The following DLGAP2 variants were observed in gnomAD, a reference collection of about 807,000 sequenced individuals.
The protein encoded by DLGAP2 is disks large-associated protein 2.
Under a neutral mutation model 100.3 loss-of-function variants are expected in DLGAP2, and 26 were observed. The ratio of observed to expected loss-of-function variants is 0.26; its 90% CI spans 0.19 to 0.36. DLGAP2 has a LOEUF of 0.36. Ranked by LOEUF, DLGAP2 falls within the 10% of genes least tolerant of loss-of-function variation. The pLI is 1.00. For missense variants in DLGAP2, 1,858 were observed against 1,453.2 expected, an observed-to-expected ratio of 1.28 and a Z score of -4.53; for synonymous variants, 886 against 630.1, an observed-to-expected ratio of 1.41 and a Z score of -6.08.
chr8:1,128,382 G>T (rs1260821402), intron 2 of DLGAP2, among the ~76,000 whole-genome samples: 4 of 152,162 alleles, frequency 2.6e-5, no homozygotes, highest in Non-Finnish European at 5.9e-5. Context: ...TTCTGTGAGG[G>T]CCTGCAGGGA....
At chr8:1,272,608 G>A (rs1363021111) in intron 3 of DLGAP2, among the ~76,000 whole-genome samples, 4 of 152,120 alleles carry the variant, frequency 2.6e-5, no homozygotes, top group Non-Finnish European at 5.9e-5. Flanking sequence ...CAATGCAAAT[G>A]ATTTCAGCTG....
At chr8:1,063,451 T>G (rs1803150142) in intron 2 of DLGAP2, among the ~76,000 whole-genome samples, 1 of 151,524 alleles carries the variant, frequency 6.6e-6, no homozygotes, top group African/African-American at 2.4e-5. Flanking sequence ...ACCTGTGCAA[T>G]CCACAAGACG....
intron 3 of DLGAP2, among the ~76,000 whole-genome samples, chr8:1,357,623 C>T (rs1157907111): frequency 6.6e-6 from 1 of 152,136 alleles, no homozygotes; most frequent in African/African-American, 2.4e-5. Flanking sequence ...TAAACTCTTA[C>T]ACATTTTCAA....
At chr8:1,435,417 A>T (rs1436352087) in intron 3 of DLGAP2, among the ~76,000 whole-genome samples, 1 of 152,132 alleles carries the variant, frequency 6.6e-6, no homozygotes, top group African/African-American at 2.4e-5. Context: ...GATTATCATC[A>T]GCTGGAAGAC....
intron 3 of DLGAP2, among the ~76,000 whole-genome samples, chr8:1,311,681 A>T (rs1181511348): frequency 6.6e-6 from 1 of 150,600 alleles, no homozygotes; most frequent in Non-Finnish European, 1.5e-5. Flanking sequence ...GGTGTCTGAC[A>T]AAATCTCATA....
intron 2 of DLGAP2, among the ~76,000 whole-genome samples, chr8:1,235,383 A>T (rs144400197): frequency 2.7e-5 from 4 of 146,544 alleles, no homozygotes; most frequent in Non-Finnish European, 6.0e-5. Flanking sequence ...TCCCTCACAC[A>T]TGGCGTTGTG....
At chr8:778,322 G>A (rs565504851) in intron 1 of DLGAP2, among the ~76,000 whole-genome samples, 2 of 152,176 alleles carry the variant, frequency 1.3e-5, no homozygotes, top group Non-Finnish European at 2.9e-5. Context: ...TAATTTGATC[G>A]TCTGAAGCCT....
At chr8:1,185,310 C>T (rs1320560122) in intron 2 of DLGAP2, among the ~76,000 whole-genome samples, 6 of 152,180 alleles carry the variant, frequency 3.9e-5, no homozygotes, top group Middle Eastern at 3.4e-3. Context: ...ACATAAGCCT[C>T]GGGCTGAGTG....
chr8:1,525,547 C>G (rs1476079859), intron 4 of DLGAP2, among the ~76,000 whole-genome samples: 2 of 152,236 alleles, frequency 1.3e-5, no homozygotes, highest in African/African-American at 4.8e-5. Context: ...GAACTCAGGA[C>G]TTACACAGCA....
chr8:1,527,603 A>G (rs1394422560), intron 4 of DLGAP2, among the ~76,000 whole-genome samples: 1 of 152,236 alleles, frequency 6.6e-6, no homozygotes, highest in African/African-American at 2.4e-5. Flanking sequence ...ATTTTTCCTA[A>G]GGAAAGAAGA....
intron 2 of DLGAP2, among the ~76,000 whole-genome samples, chr8:964,661 G>A (rs2129010790): frequency 1.3e-5 from 2 of 152,318 alleles, no homozygotes; most frequent in Middle Eastern, 3.4e-3. Flanking sequence ...CCAAGGCCTG[G>A]TCCTTCTTCA....
At position 1,555,888 on chromosome 8, in the gene DLGAP2, C is replaced by G. The variant is rs892278380; in HGVS notation, c.1230+6205C>G. Among the ~76,000 whole-genome samples, 3 of 152,262 alleles carry G rather than the reference C, an allele frequency of 2.0e-5. No homozygotes were observed. The South Asian group carries it at 6.2e-4, about 31-fold the overall frequency. ...TTGTGTCTGGTAAATCTTTCTGCCT[C>G]TTCAATCCTTCACGCCTCCGTTTGT... is the stretch of plus-strand genomic sequence containing the variant. On this transcript the variant is annotated intron_variant, in intron 5 of 14. Coordinates refer to ENST00000637795, the MANE Select transcript of DLGAP2 (RefSeq NM_001346810.2).
At chr8:738,867 G>T in intron 1 of DLGAP2, 1 of 152,772 alleles carries the variant, frequency 6.5e-6, no homozygotes, top group South Asian at 2.0e-4. Context: ...GGACAGCGTA[G>T]GTTCGCAGGT....
chr8:1,344,198 G>GCTGTCGTGGGTCCATGTATTCA (rs1563095215), intron 3 of DLGAP2, among the ~76,000 whole-genome samples: 1 of 119,582 alleles, frequency 8.4e-6, no homozygotes, highest in Admixed American at 8.1e-5. Context: ...CCGTGTACTC[G>GCTGTCGTGGGTCCATGTATTCA]GGGCCCTGTC....
At chr8:1,647,052 G>A (rs1037086269) in intron 8 of DLGAP2, among the ~76,000 whole-genome samples, 1 of 152,260 alleles carries the variant, frequency 6.6e-6, no homozygotes, top group East Asian at 1.9e-4. Context: ...CAGCGGTGCC[G>A]GGGCATGGAG....
intron 1 of DLGAP2, among the ~76,000 whole-genome samples, chr8:842,612 C>T (rs187909995): frequency 3.0e-4 from 32 of 106,212 alleles, no homozygotes; most frequent in African/African-American, 6.1e-4. Flanking sequence ...GGAACGTTTA[C>T]GAATTATAGC....
intron 3 of DLGAP2, among the ~76,000 whole-genome samples, chr8:1,279,757 C>G (rs78955344): frequency 0.039 from 5,946 of 152,236 alleles, 189 homozygotes; most frequent in South Asian, 0.14. Flanking sequence ...GCAGCTGCTT[C>G]AAAGCCAGCA....
At chr8:1,585,013 A>G (rs1306376556) in intron 6 of DLGAP2, among the ~76,000 whole-genome samples, 1 of 141,556 alleles carries the variant, frequency 7.1e-6, no homozygotes. Context: ...AAAAACTTCC[A>G]TTTTTAAATT....
chr8:860,715 A>C (rs1374622172), intron 1 of DLGAP2, among the ~76,000 whole-genome samples: 1 of 152,208 alleles, frequency 6.6e-6, no homozygotes, highest in Admixed American at 6.5e-5. Flanking sequence ...CATTTGTTCC[A>C]CAAAAACATA....
Sources: allele counts gnomAD v4.1 joint callset (sites outside exome capture counted in the v4.1 genomes callset), GRCh38; gene constraint gnomAD v4.1.1; transcripts MANE v1.5; gene names NCBI Gene and HGNC (gene_info 2026-07-23, HGNC 2026-07-21).